SLIT1: variants seen among roughly 807,000 people sequenced by gnomAD.
SLIT1 encodes slit guidance ligand 1.
Under a neutral mutation model 186.1 loss-of-function variants are expected in SLIT1, and 66 were observed. The observed-to-expected ratio is 0.35, with a 90% CI of 0.29 to 0.44. The LOEUF is 0.44. Ranked by LOEUF, SLIT1 falls within the 20% of genes least tolerant of loss-of-function variation. The pLI, the probability that SLIT1 is intolerant of heterozygous loss-of-function variation, is 1.00. For missense variants in SLIT1, 1,638 were observed against 2,037.4 expected, an observed-to-expected ratio of 0.80 and a Z score of 3.77; for synonymous variants, 761 against 833.8, an observed-to-expected ratio of 0.91 and a Z score of 1.50.
Position 97,063,465 on chromosome 10 carries a change from G to C in SLIT1, c.783C>G (p.Phe261Leu), listed in dbSNP as rs941771673. The C allele has an allele frequency of 1.2e-6, 2 of 1,612,618 alleles. No individual in the cohort carries two copies. The highest frequency in any genetic ancestry group is 3.3e-5 in the Admixed American group (2 of 60,004). The change falls in exon 8 of 37, where the codon TTC becomes TTG. Residue 261 changes from phenylalanine to leucine, a missense_variant. Around this residue, in one of 3 missense-constraint regions of SLIT1, gnomAD observed 1,245 missense variants for 1,535.3 expected, o/e 0.81. Coordinates refer to ENST00000266058, the MANE Select transcript of SLIT1 (RefSeq NM_003061.3). ...GGGGTCTGCACCCACCTGAGCAGCT[G>C]AACTCACTCTTCTGGACCTCTGCCA... is the stretch of plus-strand genomic sequence containing the variant. ...LNVAEVQKSEFSCSGQGEAGR... is the reference protein window; with the variant it reads ...LNVAEVQKSELSCSGQGEAGR...
Position 97,010,769 on chromosome 10 carries a change from C to T in SLIT1, c.3341+224G>A, listed in dbSNP as rs976167368. ...TGTCATCTGCACCCACCTCTCATGC[C>T]CTCCACCAAACAGGTTAGGGGTCCT... On this transcript the variant is annotated intron_variant, in intron 31 of 36. Coordinates refer to ENST00000266058, the MANE Select transcript of SLIT1 (RefSeq NM_003061.3). The surrounding 1 kb of genome is among the most constrained non-coding windows in gnomAD (Gnocchi z 4.8). 6.6e-6 allele frequency among the ~76,000 whole-genome samples: 1 copy of T among 152,152 alleles called. No individual in the cohort carries two copies. The highest frequency in any genetic ancestry group is 2.4e-5 in the African/African-American group (1 of 41,422).
intron 4 of SLIT1, among the ~76,000 whole-genome samples, chr10:97,129,977 C>T (rs967124276): frequency 9.9e-5 from 15 of 152,128 alleles, no homozygotes; most frequent in Admixed American, 5.9e-4. Flanking sequence ...TGGCATTGCT[C>T]CTAGATCTCA....
chr10:97,152,066 A>G (rs1849886556), intron 4 of SLIT1, among the ~76,000 whole-genome samples: 1 of 152,188 alleles, frequency 6.6e-6, no homozygotes, highest in East Asian at 1.9e-4. Context: ...CCAGGGCAGC[A>G]TCACCTACTT....
intron 1 of SLIT1, among the ~76,000 whole-genome samples, chr10:97,173,427 C>G (rs1319163247): frequency 6.6e-6 from 1 of 151,492 alleles, no homozygotes; most frequent in African/African-American, 2.4e-5. Context: ...ATCCAAGTGG[C>G]TCAGTGCTTG....
rs1372412799 is a variant in SLIT1, at chr10:97,068,745, G to A, written c.414-2659C>T. ...ATGGCATCTTTCATCTTCGATCTTG[G>A]TTACTTGTGCCATATCGCCAGCTCC... On this transcript the variant is annotated intron_variant, in intron 4 of 36. Transcript: ENST00000266058. The surrounding 1 kb of genome is among the most constrained non-coding windows in gnomAD (Gnocchi z 4.2). Among the ~76,000 whole-genome samples, 1 of 152,130 alleles carries A rather than the reference G, an allele frequency of 6.6e-6. No homozygotes were observed. The highest frequency in any genetic ancestry group is 1.5e-5 in the Non-Finnish European group (1 of 68,014).
intron 4 of SLIT1, among the ~76,000 whole-genome samples, chr10:97,076,452 G>A (rs1259870716): frequency 2.0e-5 from 3 of 152,156 alleles, no homozygotes; most frequent in East Asian, 3.9e-4. Context: ...TGTCTCTGCC[G>A]GTTCTTCACA....
chr10:97,177,192 A>C (rs1421701582), intron 1 of SLIT1, among the ~76,000 whole-genome samples: 7 of 152,032 alleles, frequency 4.6e-5, no homozygotes, highest in African/African-American at 1.7e-4. Context: ...CTCTCTCTCC[A>C]ACCTGAATAC....
At chr10:97,116,857 T>C (rs568158993) in intron 4 of SLIT1, among the ~76,000 whole-genome samples, 1 of 152,232 alleles carries the variant, frequency 6.6e-6, no homozygotes, top group African/African-American at 2.4e-5. Context: ...AGAGGACGGA[T>C]GGGCTCTGGA....
At chr10:97,048,314 C>T (rs1367967143) in intron 14 of SLIT1, among the ~76,000 whole-genome samples, 1 of 152,148 alleles carries the variant, frequency 6.6e-6, no homozygotes, top group Non-Finnish European at 1.5e-5. Flanking sequence ...AGGACCTTGA[C>T]CAGGATGTAG....
At position 97,048,988 on chromosome 10, in the gene SLIT1, C is replaced by A. The variant is rs751771492; in HGVS notation, c.1432G>T (p.Gly478Trp). The change falls in exon 14 of 37, where the codon GGG (glycine) becomes TGG (tryptophan). Residue 478 changes from glycine (G) to tryptophan (W), a missense_variant. Gly to Trp is a radical substitution (Grantham distance 184, BLOSUM62 -2). Transcript: ENST00000266058. ...CGGAACTTCTTGCTCTTGATCTGCCCGATGCGCTTGTTGGCGAGGCGCCGG... is the reference window on the plus strand; with the variant it reads ...CGGAACTTCTTGCTCTTGATCTGCCAGATGCGCTTGTTGGCGAGGCGCCGG... Reference protein sequence around the residue: ...SPRRLANKRIGQIKSKKFRCS... With the variant: ...SPRRLANKRIWQIKSKKFRCS... The A allele has an allele frequency of 2.2e-5, 35 of 1,611,070 alleles. No homozygotes were observed. Among genetic ancestry groups the A allele is most frequent in the Non-Finnish European group, 2.8e-5 (33 of 1,179,826 alleles).
At chr10:97,058,097 C>T in intron 11 of SLIT1, 1 of 716,628 alleles carries the variant, frequency 1.4e-6, no homozygotes, top group Non-Finnish European at 2.6e-6. Context: ...GGTGACGGGG[C>T]CAGTGTGGCT....
intron 4 of SLIT1, chr10:97,103,687 C>T (rs1412577069): frequency 6.6e-6 from 1 of 152,188 alleles, no homozygotes; most frequent in Non-Finnish European, 1.5e-5. Context: ...GAATGAAGTA[C>T]CTTCTAACAA....
chr10:97,156,209 G>C (rs747039331), intron 4 of SLIT1, among the ~76,000 whole-genome samples: 1 of 152,174 alleles, frequency 6.6e-6, no homozygotes, highest in African/African-American at 2.4e-5. Context: ...GTGGTCTCCA[G>C]GCCAGGAGGA....
chr10:97,095,456 C>T (rs912115322), intron 4 of SLIT1, among the ~76,000 whole-genome samples: 1 of 152,194 alleles, frequency 6.6e-6, no homozygotes, highest in Admixed American at 6.5e-5. Flanking sequence ...ACCCATTTTG[C>T]ACCTTGCTTC....
intron 1 of SLIT1, among the ~76,000 whole-genome samples, chr10:97,174,485 C>T (rs761263894): frequency 7.9e-5 from 12 of 152,220 alleles, no homozygotes; most frequent in Non-Finnish European, 1.3e-4. Flanking sequence ...TGAGCCACAG[C>T]CAGACACCAA....
intron 30 of SLIT1, among the ~76,000 whole-genome samples, chr10:97,011,340 G>A (rs1433501036): frequency 1.3e-5 from 2 of 152,134 alleles, no homozygotes; most frequent in Non-Finnish European, 2.9e-5. Context: ...TAGTAGAAGA[G>A]AGCTCATGTG....
chr10:97,154,011 AT>A (rs920094715), intron 4 of SLIT1: 2 of 152,160 alleles, frequency 1.3e-5, no homozygotes, highest in Non-Finnish European at 2.9e-5. Context: ...CCGGCAGGGT[AT>A]TCTGTTTCTG....
At chr10:97,074,200 C>T (rs1849025538) in intron 4 of SLIT1, among the ~76,000 whole-genome samples, 1 of 152,232 alleles carries the variant, frequency 6.6e-6, no homozygotes, top group African/African-American at 2.4e-5. Context: ...AGACACTCTC[C>T]TTCACTTTCC....
chr10:97,166,898 A>G (rs1850128425), intron 1 of SLIT1, among the ~76,000 whole-genome samples: 1 of 152,188 alleles, frequency 6.6e-6, no homozygotes, highest in Non-Finnish European at 1.5e-5. Flanking sequence ...GGTAATTGAC[A>G]GAACAGGAAT....
Sources: gnomAD v4.1 joint callset for allele counts (sites outside exome capture counted in the v4.1 genomes callset) on GRCh38, gnomAD v4.1.1 for gene constraint, gnomAD v4.1.1 regional missense constraint, Gnocchi (gnomAD v3.1) non-coding constraint, MANE v1.5 for transcripts, NCBI Gene and HGNC (gene_info 2026-07-23, HGNC 2026-07-21) for gene names.